The following ELMO1 variants were observed in gnomAD, a reference collection of about 807,000 sequenced individuals.
ELMO1 encodes the protein engulfment and cell motility 1.
In ELMO1, 26 loss-of-function variants were observed where a neutral mutation model predicts 98.9. That is an observed-to-expected ratio of 0.26 (90% CI 0.19 to 0.36). The LOEUF (loss-of-function observed/expected upper bound fraction) is 0.36, where lower values mean the gene tolerates loss of function less well. Among genes scored for constraint, ELMO1 ranks in the 10% least tolerant of loss-of-function variants. The pLI is 1.00. For missense variants in ELMO1, 627 were observed against 935.2 expected (o/e 0.67, Z 4.30); for synonymous variants, 346 against 346.0 (o/e 1.00, Z 0.00).
intron 6 of ELMO1, among the ~76,000 whole-genome samples, chr7:37,257,405 G>A (rs931513246): frequency 6.6e-6 from 1 of 151,906 alleles, no homozygotes; most frequent in Admixed American, 6.6e-5. Flanking sequence ...CCTGGCCAAC[G>A]TGGTGAAACC....
intron 14 of ELMO1, among the ~76,000 whole-genome samples, chr7:37,110,890 G>A (rs113357914): frequency 2.0e-5 from 3 of 152,310 alleles, no homozygotes; most frequent in African/African-American, 4.8e-5. Flanking sequence ...GGGTATGGTG[G>A]TGAGCGTAGG....
chr7:37,006,173 G>A (rs977399760), intron 16 of ELMO1, among the ~76,000 whole-genome samples: 4 of 152,108 alleles, frequency 2.6e-5, no homozygotes, highest in South Asian at 2.1e-4. Context: ...AAAGTTCAAC[G>A]CACCCCCATA....
intron 16 of ELMO1, among the ~76,000 whole-genome samples, chr7:36,971,185 A>T (rs1442697821): frequency 1.3e-5 from 2 of 152,272 alleles, no homozygotes; most frequent in Non-Finnish European, 1.5e-5. Flanking sequence ...TTCACCAAAC[A>T]TTAAGAGGAT....
intron 15 of ELMO1, among the ~76,000 whole-genome samples, chr7:37,069,055 A>G (rs2129222798): frequency 6.6e-6 from 1 of 152,296 alleles, no homozygotes; most frequent in East Asian, 1.9e-4. Context: ...TTCTATCCTG[A>G]CAGTAGGACA....
intron 14 of ELMO1, among the ~76,000 whole-genome samples, chr7:37,103,989 TGA>T (rs1285453058): frequency 1.8e-5 from 2 of 112,104 alleles, no homozygotes; most frequent in Non-Finnish European, 3.3e-5. Flanking sequence ...CCAGCCTGGG[TGA>T]GAGAGTGAGA....
At chr7:37,209,214 G>A (rs557866031) in intron 13 of ELMO1, among the ~76,000 whole-genome samples, 1 of 152,242 alleles carries the variant, frequency 6.6e-6, no homozygotes, top group South Asian at 2.1e-4. Context: ...ATAAAAAGGA[G>A]ATGCTTCATA....
At chr7:37,208,957 C>G (rs1207810519) in intron 13 of ELMO1, among the ~76,000 whole-genome samples, 1 of 151,934 alleles carries the variant, frequency 6.6e-6, no homozygotes, top group African/African-American at 2.4e-5. Flanking sequence ...GATGACTTTT[C>G]AAGTCCTCAT....
chr7:37,081,918 G>C (rs1797885637), intron 15 of ELMO1, among the ~76,000 whole-genome samples: 1 of 152,214 alleles, frequency 6.6e-6, no homozygotes, highest in African/African-American at 2.4e-5. Context: ...AGCAAGCTGA[G>C]TTCTCACCCG....
chr7:37,261,527 T>C (rs1795974239), intron 5 of ELMO1, among the ~76,000 whole-genome samples: 6 of 152,180 alleles, frequency 3.9e-5, no homozygotes, highest in Admixed American at 3.3e-4. Flanking sequence ...AATCACACGC[T>C]GAGGACCACC....
At position 37,204,143 on chromosome 7, in the gene ELMO1, G is replaced by A. The variant is rs1256054633; in HGVS notation, c.1086+7243C>T. Reference sequence around the variant, plus strand: ...ATAGGCATTAGTCTCACCGCCTGGCGATGGGCGATGGTCCCATCTGGGTGG... The same window carrying A: ...ATAGGCATTAGTCTCACCGCCTGGCAATGGGCGATGGTCCCATCTGGGTGG... On this transcript the variant is annotated intron_variant, in intron 13 of 21. Transcript: ENST00000310758. 1.5e-5 allele frequency: 7 copies of A among 456,380 alleles called. No individual in the cohort carries two copies. In the East Asian group the frequency reaches 2.1e-4, roughly 14 times the overall value. 28.3% of individuals were successfully genotyped at this position (456,380 alleles called of 1,614,324 possible).
At chr7:37,257,508 A>C (rs537220148) in intron 6 of ELMO1, among the ~76,000 whole-genome samples, 1 of 151,872 alleles carries the variant, frequency 6.6e-6, no homozygotes, top group Admixed American at 6.6e-5. Context: ...GCAGATCACG[A>C]GGTCAAGAGA....
intron 1 of ELMO1, among the ~76,000 whole-genome samples, chr7:37,394,386 C>T (rs1012416392): frequency 6.6e-6 from 1 of 152,156 alleles, no homozygotes; most frequent in African/African-American, 2.4e-5. Context: ...AACGAGGAGA[C>T]AGGAGCTGGA....
intron 1 of ELMO1, among the ~76,000 whole-genome samples, chr7:37,349,329 A>C (rs1801152359): frequency 6.6e-6 from 1 of 152,166 alleles, no homozygotes; most frequent in Non-Finnish European, 1.5e-5. Flanking sequence ...AAAGACATAG[A>C]CCACATTTTC....
chr7:36,897,615 T>C lies in ELMO1; in HGVS notation c.1438-2598A>G, dbSNP rs549146297. Among the ~76,000 whole-genome samples, 7 of 152,092 alleles carry C rather than the reference T, an allele frequency of 4.6e-5. No homozygotes were observed. The South Asian group carries it at 1.5e-3, about 32-fold the overall frequency. Reference sequence around the variant, plus strand: ...GAAATAGCAAAGTTAATTCAACAAGTGACTTTTAAAAATCGCCTGCATTTA... The same window carrying C: ...GAAATAGCAAAGTTAATTCAACAAGCGACTTTTAAAAATCGCCTGCATTTA... On this transcript the variant is annotated intron_variant, in intron 16 of 21. Coordinates refer to ENST00000310758, the MANE Select transcript of ELMO1 (RefSeq NM_014800.11).
intron 13 of ELMO1, among the ~76,000 whole-genome samples, chr7:37,134,969 G>A (rs1167587385): frequency 6.6e-6 from 1 of 152,184 alleles, no homozygotes; most frequent in Non-Finnish European, 1.5e-5. Flanking sequence ...CACTATGTAG[G>A]TGATGGATAC....
At chr7:37,177,998 G>A (rs1414407752) in intron 13 of ELMO1, among the ~76,000 whole-genome samples, 1 of 151,848 alleles carries the variant, frequency 6.6e-6, no homozygotes, top group Non-Finnish European at 1.5e-5. Flanking sequence ...TCCTGTGATG[G>A]TTAATTGTAC....
intron 1 of ELMO1, among the ~76,000 whole-genome samples, chr7:37,447,751 C>CACACACACACACA (rs1554316247): frequency 2.0e-5 from 3 of 150,848 alleles, no homozygotes; most frequent in African/African-American, 4.9e-5. Context: ...CACACACACG[C>CACACACACACACA]CGCCTCGCGC....
chr7:37,189,387 G>A (rs923873155), intron 13 of ELMO1, among the ~76,000 whole-genome samples: 2 of 152,166 alleles, frequency 1.3e-5, no homozygotes, highest in African/African-American at 2.4e-5. Flanking sequence ...AAGGCATTCC[G>A]AAGGATATCC....
intron 20 of ELMO1, among the ~76,000 whole-genome samples, chr7:36,868,256 G>A (rs561342370): frequency 3.9e-5 from 6 of 152,038 alleles, no homozygotes; most frequent in Non-Finnish European, 7.4e-5. Context: ...CACATTCCAC[G>A]GTGATGGTTT....
Sources: allele counts gnomAD v4.1 joint callset (sites outside exome capture counted in the v4.1 genomes callset), GRCh38; gene constraint gnomAD v4.1.1; transcripts MANE v1.5; gene names NCBI Gene and HGNC (gene_info 2026-07-23, HGNC 2026-07-21).